Variants in CACNA2D3 observed in about 807,000 individuals in gnomAD.
CACNA2D3 encodes the protein voltage-dependent calcium channel subunit alpha-2/delta-3.
Under a neutral mutation model 160.6 loss-of-function variants are expected in CACNA2D3, and 60 were observed. The ratio of observed to expected loss-of-function variants is 0.37; its 90% CI spans 0.30 to 0.46. The LOEUF (loss-of-function observed/expected upper bound fraction) is 0.46, where lower values mean the gene tolerates loss of function less well. Among genes scored for constraint, CACNA2D3 ranks in the 20% least tolerant of loss-of-function variants. The pLI is 1.00. For synonymous variants in CACNA2D3, 558 were observed against 492.9 expected, an observed-to-expected ratio of 1.13 and a Z score of -1.75; for missense variants, 1,205 against 1,365.0, an observed-to-expected ratio of 0.88 and a Z score of 1.85.
At chr3:54,413,272 T>C (rs937772854) in intron 4 of CACNA2D3, among the ~76,000 whole-genome samples, 2 of 151,480 alleles carry the variant, frequency 1.3e-5, no homozygotes, top group African/African-American at 4.8e-5. Flanking sequence ...TTTGTATCTT[T>C]GTATCTTTGT....
chr3:54,828,254 G>A (rs933678502), intron 14 of CACNA2D3, among the ~76,000 whole-genome samples: 1 of 152,136 alleles, frequency 6.6e-6, no homozygotes, highest in African/African-American at 2.4e-5. Flanking sequence ...CCACCATGGG[G>A]GGTCAATTAT....
In CACNA2D3 at chr3:54,451,128, T is replaced by C. The variant is rs566420419; in HGVS notation, c.382-52364T>C. On this transcript the variant is annotated intron_variant, in intron 4 of 37. Transcript: ENST00000474759. ...GGTACCAGGTGGCAACCTCAACCTCTTGGCCCTGCCTTCTCTGGCTTATGA... is the reference window on the plus strand; with the variant it reads ...GGTACCAGGTGGCAACCTCAACCTCCTGGCCCTGCCTTCTCTGGCTTATGA... Among the ~76,000 whole-genome samples, 13 of 151,882 alleles carry C rather than the reference T, an allele frequency of 8.6e-5. 1 individual carries two copies. In the South Asian group the frequency reaches 2.1e-3, roughly 24 times the overall value.
chr3:54,144,698 C>T (rs145603142), intron 2 of CACNA2D3, among the ~76,000 whole-genome samples: 1 of 152,296 alleles, frequency 6.6e-6, no homozygotes, highest in African/African-American at 2.4e-5. Flanking sequence ...TGGATTTGAG[C>T]AAAGTACTCA....
chr3:54,409,022 C>T (rs1699621867), intron 4 of CACNA2D3, among the ~76,000 whole-genome samples: 1 of 152,158 alleles, frequency 6.6e-6, no homozygotes, highest in Non-Finnish European at 1.5e-5. Context: ...GATTGTTCTG[C>T]AACCTTTATT....
intron 2 of CACNA2D3, among the ~76,000 whole-genome samples, chr3:54,278,783 A>G (rs112587347): frequency 0.14 from 21,081 of 151,980 alleles, 1,737 homozygotes; most frequent in East Asian, 0.32. Context: ...GAGTTGAACA[A>G]TGAGAACACC....
At chr3:54,795,043 C>G (rs1702840043) in intron 13 of CACNA2D3, among the ~76,000 whole-genome samples, 1 of 152,062 alleles carries the variant, frequency 6.6e-6, no homozygotes, top group Non-Finnish European at 1.5e-5. Context: ...TATTCATCTA[C>G]TTGATATTAT....
At chr3:54,738,402 A>G (rs574033816) in intron 11 of CACNA2D3, among the ~76,000 whole-genome samples, 27 of 152,348 alleles carry the variant, frequency 1.8e-4, no homozygotes, top group Non-Finnish European at 3.8e-4. Context: ...GGCTTTGATC[A>G]GTCCCTAGTC....
At chr3:54,797,627 G>C (rs1013027407) in intron 13 of CACNA2D3, among the ~76,000 whole-genome samples, 1 of 152,062 alleles carries the variant, frequency 6.6e-6, no homozygotes, top group African/African-American at 2.4e-5. Context: ...TTTTTAACTT[G>C]AGACATAGCA....
At chr3:54,234,491 G>A (rs968527948) in intron 2 of CACNA2D3, among the ~76,000 whole-genome samples, 1 of 152,154 alleles carries the variant, frequency 6.6e-6, no homozygotes, top group African/African-American at 2.4e-5. Flanking sequence ...ATTTGACCCA[G>A]CAATCCCATT....
At chr3:54,445,724 T>C (rs1408295418) in intron 4 of CACNA2D3, among the ~76,000 whole-genome samples, 1 of 152,084 alleles carries the variant, frequency 6.6e-6, no homozygotes, top group Non-Finnish European at 1.5e-5. Flanking sequence ...TTTTTAGTTA[T>C]AGACATACCT....
intron 4 of CACNA2D3, among the ~76,000 whole-genome samples, chr3:54,418,470 T>G (rs903596825): frequency 1.3e-5 from 2 of 151,890 alleles, no homozygotes; most frequent in African/African-American, 2.4e-5. Context: ...GAAATCCAGG[T>G]CAAGAAGAAT....
chr3:54,992,559 T>C (rs1007551200), intron 31 of CACNA2D3, among the ~76,000 whole-genome samples: 3 of 152,126 alleles, frequency 2.0e-5, no homozygotes, highest in Non-Finnish European at 4.4e-5. Flanking sequence ...GTTTCCTCTG[T>C]TCTTTCTCCT....
At chr3:54,546,414 G>C (rs1049776453) in intron 5 of CACNA2D3, among the ~76,000 whole-genome samples, 1 of 152,118 alleles carries the variant, frequency 6.6e-6, no homozygotes, top group African/African-American at 2.4e-5. Flanking sequence ...AATTACAGTA[G>C]AAATGCTTAA....
At chr3:54,494,728 G>T (rs1175710036) in intron 4 of CACNA2D3, among the ~76,000 whole-genome samples, 14 of 152,178 alleles carry the variant, frequency 9.2e-5, no homozygotes, top group Non-Finnish European at 1.5e-5. Context: ...AAAGGAAAGA[G>T]GTTTAATTGA....
At chr3:54,316,020 C>A (rs566481194) in intron 2 of CACNA2D3, among the ~76,000 whole-genome samples, 2 of 152,098 alleles carry the variant, frequency 1.3e-5, no homozygotes, top group Non-Finnish European at 2.9e-5. Flanking sequence ...TGTGATTGTA[C>A]AGCTGGCTGT....
chr3:54,350,528 T>G (rs1698533778), intron 3 of CACNA2D3, among the ~76,000 whole-genome samples: 1 of 152,184 alleles, frequency 6.6e-6, no homozygotes, highest in Admixed American at 6.5e-5. Flanking sequence ...CTGACAAAAG[T>G]GTAGGCCATT....
At chr3:54,752,701 C>T (rs1375933827) in intron 12 of CACNA2D3, 24 bp downstream of exon 12, 2 of 1,528,416 alleles carry the variant, frequency 1.3e-6, no homozygotes, top group Non-Finnish European at 1.8e-6. Flanking sequence ...TTGTGCTCGG[C>T]TCTGAATAAC....
At chr3:54,763,797 A>ACG (rs1702148251) in intron 12 of CACNA2D3, among the ~76,000 whole-genome samples, 1 of 24,890 alleles carries the variant, frequency 4.0e-5, no homozygotes, top group African/African-American at 1.5e-4. Flanking sequence ...ATGTATATAT[A>ACG]TGTACATATA....
intron 4 of CACNA2D3, among the ~76,000 whole-genome samples, chr3:54,467,893 G>T (rs1441143894): frequency 6.6e-6 from 1 of 152,156 alleles, no homozygotes; most frequent in Non-Finnish European, 1.5e-5. Flanking sequence ...TTATCACAAA[G>T]AAATGATGAA....
Sources: allele counts gnomAD v4.1 joint callset (sites outside exome capture counted in the v4.1 genomes callset), GRCh38; gene constraint gnomAD v4.1.1; transcripts MANE v1.5; gene names NCBI Gene and HGNC (gene_info 2026-07-23, HGNC 2026-07-21).